The following DKK3 variants were observed in gnomAD, a reference collection of about 807,000 sequenced individuals.
DKK3 encodes the protein dickkopf-related protein 3.
Under a neutral mutation model 33.2 loss-of-function variants are expected in DKK3, and 22 were observed. That is an observed-to-expected ratio of 0.66 (90% confidence interval 0.47 to 0.95). The LOEUF (loss-of-function observed/expected upper bound fraction) is 0.95, where lower values mean the gene tolerates loss of function less well. DKK3 is among the 40% of genes least tolerant of loss of function. The pLI is 0.00. For missense variants in DKK3, 398 were observed against 458.4 expected, an observed-to-expected ratio of 0.87 and a Z score of 1.20; for synonymous variants, 194 against 188.8, an observed-to-expected ratio of 1.03 and a Z score of -0.23.
chr11:12,007,351 G>A (rs1005812897), intron 1 of DKK3, among the ~76,000 whole-genome samples: 1 of 152,140 alleles, frequency 6.6e-6, no homozygotes, highest in Non-Finnish European at 1.5e-5. Context: ...AGGACGGCTG[G>A]CTCCTCTCTA....
chr11:11,979,332 C>A (rs149171836), intron 3 of DKK3, among the ~76,000 whole-genome samples: 1 of 152,204 alleles, frequency 6.6e-6, no homozygotes, highest in Non-Finnish European at 1.5e-5. Context: ...GCAAACCCCG[C>A]GGGACCTACA....
At chr11:11,965,343 G>A (rs1847563023) in intron 6 of DKK3, among the ~76,000 whole-genome samples, 1 of 152,214 alleles carries the variant, frequency 6.6e-6, no homozygotes, top group Non-Finnish European at 1.5e-5. Context: ...GGAGGACAGG[G>A]AGATGTGCCC....
upstream of DKK3, chr11:12,009,547 G>C (rs11022111): frequency 0.24 from 237,333 of 975,402 alleles, 34,085 homozygotes; most frequent in African/African-American, 0.62. Context: ...CTGCCCCTGC[G>C]CCCGCGGCAT....
chr11:11,963,310 C>T lies in DKK3; in HGVS notation c.*1154G>A, dbSNP rs1847500875. On this transcript the variant is annotated 3_prime_UTR_variant, in exon 7 of 7. Coordinates refer to ENST00000683431, the MANE Select transcript of DKK3 (RefSeq NM_001018057.2). ...GTTCAGTGTTCGCAGTCGCATATTA[C>T]AACCATGTTTCACACAGCCCTGCTC... is the stretch of plus-strand genomic sequence containing the variant. 6.6e-6 allele frequency: 1 copy of T among 152,550 alleles called. No individual in the cohort carries two copies. The highest frequency in any genetic ancestry group is 2.1e-4 in the South Asian group (1 of 4,828). The allele number at this position is 152,550 out of a possible 1,614,324, so 9.4% of individuals were successfully genotyped here.
rs140626216 is a variant in DKK3, at chr11:11,971,316, G to C, written c.436-2829C>G. Among the ~76,000 whole-genome samples, 384 of 152,294 alleles carry C rather than the reference G, an allele frequency of 2.5e-3. 3 individuals carry two copies. Among genetic ancestry groups the C allele is most frequent in the African/African-American group, 8.9e-3 (369 of 41,552 alleles). On this transcript the variant is annotated intron_variant, in intron 3 of 6. Transcript: ENST00000683431. Reference sequence around the variant, plus strand: ...AGAATGCAGTTGTTCTTTGCATAATGATTTCTAAAACAAGCAAGGGTTAGA... The same window carrying C: ...AGAATGCAGTTGTTCTTTGCATAATCATTTCTAAAACAAGCAAGGGTTAGA...
chr11:11,975,189 C>T (rs144243482), intron 3 of DKK3, among the ~76,000 whole-genome samples: 26 of 152,306 alleles, frequency 1.7e-4, no homozygotes, highest in Middle Eastern at 3.4e-3. Context: ...CACCTTCCCC[C>T]GATACAAGCC....
intron 3 of DKK3, among the ~76,000 whole-genome samples, chr11:11,986,326 C>G (rs1482355754): frequency 6.6e-6 from 1 of 152,116 alleles, no homozygotes; most frequent in African/African-American, 2.4e-5. Flanking sequence ...CGGGAGCATG[C>G]CACCCACTTA....
chr11:11,979,070 A>G (rs1230592479), intron 3 of DKK3: 1 of 152,288 alleles, frequency 6.6e-6, no homozygotes, highest in Non-Finnish European at 1.5e-5. Flanking sequence ...GAGGTGGGGA[A>G]CAGGTTCACC....
At position 11,964,519 on chromosome 11, in the gene DKK3, G is replaced by A. The variant is rs774441818; in HGVS notation, c.998C>T (p.Ala333Val). 11 of 1,613,654 alleles carry A rather than the reference G, an allele frequency of 6.8e-6. No individual in the cohort carries two copies. The highest frequency in any genetic ancestry group is 4.4e-5 in the South Asian group (4 of 91,090). ...GGCGGCAGCCGCAGGCTCCCTCAGC[G>A]CCATCTCTTCAGTCAGGCTCCTCTC... ...DLERSLTEEM[A>V]LREPAAAAAA... The change falls in exon 7 of 7, where the codon GCG (alanine) becomes GTG (valine). Residue 333 changes from alanine to valine, a missense_variant. Ala to Val is a moderately conservative substitution (Grantham distance 64). Transcript: ENST00000683431.
In DKK3 at chr11:11,976,552, A is replaced by G. The variant is rs569983101; in HGVS notation, c.436-8065T>C. Among the ~76,000 whole-genome samples the G allele has an allele frequency of 6.6e-5, 10 of 152,288 alleles. No individual in the cohort carries two copies. In the South Asian group the frequency reaches 8.3e-4, roughly 13 times the overall value. On this transcript the variant is annotated intron_variant, in intron 3 of 6. Transcript: ENST00000683431. The stretch of plus-strand genomic sequence containing the variant: ...TCAAGCCAAGTTCTGCTCAACTGCA[A>G]CCCAGTGCTCTGTGGAGCTCTCTCT...
chr11:11,971,771 A>T (rs1407411980), intron 3 of DKK3, among the ~76,000 whole-genome samples: 4 of 152,296 alleles, frequency 2.6e-5, no homozygotes, highest in South Asian at 2.1e-4. Context: ...CTTTCCCTAA[A>T]CAGGCTCCTA....
At chr11:12,004,300 C>T (rs1009632119) in intron 1 of DKK3, among the ~76,000 whole-genome samples, 17 of 152,158 alleles carry the variant, frequency 1.1e-4, no homozygotes, top group South Asian at 2.1e-4. Flanking sequence ...TAAGAATCTC[C>T]GTTCCAGGCA....
intron 3 of DKK3, among the ~76,000 whole-genome samples, chr11:11,991,182 C>T (rs1042808913): frequency 1.3e-5 from 2 of 152,210 alleles, no homozygotes; most frequent in Non-Finnish European, 2.9e-5. Context: ...AGCAAACCTG[C>T]CCTCTGCCAA....
rs757228469 is a variant in DKK3 at position 11,968,411 on chromosome 11, C to T, written c.512G>A (p.Cys171Tyr). The T allele has an allele frequency of 1.2e-6, 2 of 1,612,988 alleles. No individual in the cohort carries two copies. The highest frequency in any genetic ancestry group is 1.7e-6 in the Non-Finnish European group (2 of 1,179,410). Residue 171 changes from cysteine (C) to tyrosine (Y), a missense_variant, in exon 4 of 7, where the codon TGC becomes TAC. Transcript: ENST00000683431. ...FASFQYTCQPCRGQRMLCTRD... is the reference protein window; with the variant it reads ...FASFQYTCQPYRGQRMLCTRD... ...CATACTCACCATCCTCTGGCCCCGG[C>T]ATGGCTGGCAGGTGTACTGGAAGCT...
At chr11:12,009,099 C>T (rs1356085872), upstream of DKK3, 2 of 985,734 alleles carry the variant, frequency 2.0e-6, no homozygotes, top group Non-Finnish European at 2.4e-6. Flanking sequence ...ACTCGAGCGC[C>T]CCGCCCCACA....
intron 3 of DKK3, among the ~76,000 whole-genome samples, chr11:11,984,655 T>TAAA (rs11297335): frequency 7.9e-5 from 11 of 139,110 alleles, no homozygotes; most frequent in African/African-American, 2.4e-4. Flanking sequence ...CAATTTCCTT[T>TAAA]AAAAAAAAAA....
chr11:12,006,815 C>T (rs1403735429), intron 1 of DKK3, among the ~76,000 whole-genome samples: 12 of 152,114 alleles, frequency 7.9e-5, no homozygotes, highest in Admixed American at 7.9e-4. Context: ...GTGGTGGGCA[C>T]AAAAACATAG....
At position 12,002,876 on chromosome 11, in the gene DKK3, C is replaced by T. The variant is rs78179796; in HGVS notation, c.214-439G>A. On this transcript the variant is annotated intron_variant, in intron 1 of 6. Transcript: ENST00000683431. ...CATGCCAACAACCAACTCTGTCTCT[C>T]TCTAAGGGCATTCTCTGGTCACCAA... 1.0e-2 allele frequency among the ~76,000 whole-genome samples: 1,522 copies of T among 152,326 alleles called. 26 individuals carry two copies. Among genetic ancestry groups the T allele is most frequent in the African/African-American group, 0.033 (1,378 of 41,568 alleles).
chr11:12,002,501 GAA>G (rs3834918), intron 1 of DKK3, 64 bp from the exon 2 acceptor site: 9 of 1,489,592 alleles, frequency 6.0e-6, no homozygotes, highest in African/African-American at 4.3e-5. Flanking sequence ...GAGTCTATTA[GAA>G]AAAAAAAATC....
Sources: allele counts gnomAD v4.1 joint callset (sites outside exome capture counted in the v4.1 genomes callset), GRCh38; gene constraint gnomAD v4.1.1; transcripts MANE v1.5; gene names NCBI Gene and HGNC (gene_info 2026-07-23, HGNC 2026-07-21).